GABRG3: variants seen among roughly 807,000 people sequenced by gnomAD.
GABRG3 encodes the protein gamma-aminobutyric acid type A receptor subunit gamma3, also known as gamma-aminobutyric acid receptor subunit gamma-3.
Under a neutral mutation model 48.8 loss-of-function variants are expected in GABRG3, and 25 were observed. The observed-to-expected ratio is 0.51, with a 90% CI of 0.37 to 0.72. The LOEUF (loss-of-function observed/expected upper bound fraction) is 0.72, where lower values mean the gene tolerates loss of function less well. Ranked by LOEUF, GABRG3 falls within the 30% of genes least tolerant of loss-of-function variation. GABRG3 has a pLI of 0.00. For synonymous variants in GABRG3, 227 were observed against 217.6 expected (o/e 1.04, Z -0.38); for missense variants, 394 against 577.9 (o/e 0.68, Z 3.26).
At chr15:27,303,937 C>A (rs956770765) in intron 3 of GABRG3, among the ~76,000 whole-genome samples, 1 of 151,732 alleles carries the variant, frequency 6.6e-6, no homozygotes, top group African/African-American at 2.4e-5. Flanking sequence ...GTTCAGTACT[C>A]TGAAAATAAT....
chr15:27,240,823 T>A (rs1238730830), intron 3 of GABRG3, among the ~76,000 whole-genome samples: 1 of 152,238 alleles, frequency 6.6e-6, no homozygotes, highest in Non-Finnish European at 1.5e-5. Flanking sequence ...TTTCAACACT[T>A]AACTGAACGT....
At chr15:27,079,952 T>C (rs1480552456) in intron 3 of GABRG3, among the ~76,000 whole-genome samples, 2 of 152,144 alleles carry the variant, frequency 1.3e-5, no homozygotes, top group Non-Finnish European at 2.9e-5. Context: ...GCTCACTCAG[T>C]ATGCAGAGGT....
intron 5 of GABRG3, among the ~76,000 whole-genome samples, chr15:27,439,507 C>T (rs1888718878): frequency 6.6e-6 from 1 of 152,166 alleles, no homozygotes; most frequent in African/African-American, 2.4e-5. Flanking sequence ...GAATCATTCC[C>T]TACACCATTT....
At chr15:27,276,838 G>A (rs1289074768) in intron 3 of GABRG3, among the ~76,000 whole-genome samples, 1 of 152,186 alleles carries the variant, frequency 6.6e-6, no homozygotes, top group African/African-American at 2.4e-5. Flanking sequence ...CGTATTTTAT[G>A]TAGCTTGTGT....
intron 5 of GABRG3, among the ~76,000 whole-genome samples, chr15:27,426,011 A>G (rs1336877895): frequency 2.0e-5 from 3 of 152,214 alleles, no homozygotes; most frequent in Non-Finnish European, 4.4e-5. Context: ...TTATAGAACA[A>G]TCACTCGTTA....
At chr15:27,229,602 G>A (rs553613967) in intron 3 of GABRG3, among the ~76,000 whole-genome samples, 20 of 152,090 alleles carry the variant, frequency 1.3e-4, no homozygotes, top group African/African-American at 1.7e-4. Context: ...TCAGCCTCCC[G>A]AGTAGATGGG....
chr15:27,020,776 C>T (rs766736524), intron 2 of GABRG3, among the ~76,000 whole-genome samples: 11 of 152,188 alleles, frequency 7.2e-5, no homozygotes, highest in South Asian at 2.1e-4. Context: ...TTTGCTCTCG[C>T]GATGTCACTC....
intron 3 of GABRG3, among the ~76,000 whole-genome samples, chr15:27,056,448 C>T (rs1896549431): frequency 6.6e-6 from 1 of 151,894 alleles, no homozygotes; most frequent in African/African-American, 2.4e-5. Flanking sequence ...GTTTTAGGTC[C>T]TGAAATGAAA....
intron 5 of GABRG3, among the ~76,000 whole-genome samples, chr15:27,468,489 T>C (rs1305655107): frequency 1.3e-5 from 2 of 152,164 alleles, no homozygotes; most frequent in Non-Finnish European, 2.9e-5. Flanking sequence ...CAGTGCCGTG[T>C]TGGATCCAGT....
intron 5 of GABRG3, among the ~76,000 whole-genome samples, chr15:27,410,855 T>C (rs1455704725): frequency 6.9e-6 from 1 of 145,974 alleles, no homozygotes; most frequent in East Asian, 2.0e-4. Flanking sequence ...CGTGTGTGTG[T>C]GTGTGTGTGT....
intron 3 of GABRG3, among the ~76,000 whole-genome samples, chr15:27,297,462 T>C (rs892429323): frequency 1.1e-4 from 16 of 152,164 alleles, no homozygotes; most frequent in Non-Finnish European, 1.8e-4. Context: ...TTTTATCTTT[T>C]ATACTATATT....
At chr15:27,488,203 T>A (rs34228809) in intron 6 of GABRG3, among the ~76,000 whole-genome samples, 12,255 of 152,210 alleles carry the variant, frequency 0.081, 568 homozygotes, top group African/African-American at 0.12. Context: ...TAAGCATTGA[T>A]GTCATTCCTC....
chr15:26,994,105 G>T lies in GABRG3; in HGVS notation c.202+16955G>T, dbSNP rs575975368. ...CTATATGCATCTTTATAGGTGAAGT[G>T]TGTTTCTTGTAGGCAACAGATCAGA... is the stretch of plus-strand genomic sequence containing the variant. On this transcript the variant is annotated intron_variant, in intron 2 of 9. Transcript: ENST00000615808. Among the ~76,000 whole-genome samples the T allele has an allele frequency of 2.0e-5, 3 of 151,898 alleles. No homozygotes were observed. The South Asian group carries it at 6.2e-4, about 31-fold the overall frequency.
intron 3 of GABRG3, among the ~76,000 whole-genome samples, chr15:27,260,721 A>C (rs1006594487): frequency 6.6e-6 from 1 of 152,072 alleles, no homozygotes; most frequent in Non-Finnish European, 1.5e-5. Flanking sequence ...CTTCCAGCAA[A>C]ATGGCATGAT....
intron 3 of GABRG3, chr15:27,280,360 T>G (rs1250240669): frequency 6.6e-6 from 1 of 152,160 alleles, no homozygotes; most frequent in South Asian, 2.1e-4. Flanking sequence ...CCTATTCAAG[T>G]GCTGACCAGA....
At chr15:27,018,348 T>C (rs1265067847) in intron 2 of GABRG3, among the ~76,000 whole-genome samples, 1 of 152,216 alleles carries the variant, frequency 6.6e-6, no homozygotes, top group East Asian at 1.9e-4. Context: ...GAAGGATTTG[T>C]GGTTCTGAAC....
chr15:27,465,483 T>C (rs1308313428), intron 5 of GABRG3, among the ~76,000 whole-genome samples: 1 of 152,218 alleles, frequency 6.6e-6, no homozygotes, highest in African/African-American at 2.4e-5. Context: ...ACTTTGCTTG[T>C]TTTTTAAAAG....
chr15:27,240,277 G>A (rs1890094846), intron 3 of GABRG3, among the ~76,000 whole-genome samples: 1 of 152,168 alleles, frequency 6.6e-6, no homozygotes, highest in Non-Finnish European at 1.5e-5. Flanking sequence ...GAGAGCAAAG[G>A]GCAGAGTTGG....
At chr15:27,135,169 C>T (rs1897986709) in intron 3 of GABRG3, among the ~76,000 whole-genome samples, 1 of 152,094 alleles carries the variant, frequency 6.6e-6, no homozygotes, top group Non-Finnish European at 1.5e-5. Flanking sequence ...GCAGTGATGC[C>T]TCTTTTCTAT....
Sources: gnomAD v4.1 joint callset for allele counts (sites outside exome capture counted in the v4.1 genomes callset) on GRCh38, gnomAD v4.1.1 for gene constraint, MANE v1.5 for transcripts, NCBI Gene and HGNC (gene_info 2026-07-23, HGNC 2026-07-21) for gene names.